Variants in LSM14A observed in about 807,000 individuals in gnomAD.
LSM14A encodes the protein protein LSM14 homolog A.
LSM14A carries 14 observed loss-of-function variants against 52.4 expected under a neutral mutation model. The ratio of observed to expected loss-of-function variants is 0.27; its 90% CI spans 0.18 to 0.42. The LOEUF is 0.42. Among genes scored for constraint, LSM14A ranks in the 10% least tolerant of loss-of-function variants. The pLI is 1.00. For missense variants in LSM14A, 417 were observed against 581.8 expected, an observed-to-expected ratio of 0.72 and a Z score of 2.91; for synonymous variants, 185 against 200.3, an observed-to-expected ratio of 0.92 and a Z score of 0.64.
intron 4 of LSM14A, among the ~76,000 whole-genome samples, chr19:34,209,909 C>A (rs1332087345): frequency 6.6e-6 from 1 of 150,770 alleles, no homozygotes; most frequent in Non-Finnish European, 1.5e-5. Flanking sequence ...TGGCTATTTA[C>A]AGATGTGATC....
Position 34,172,775 on chromosome 19 carries a change from C to T in LSM14A, c.121+12C>T, listed in dbSNP as rs201033618. Reference sequence around the variant, plus strand: ...AGCCCTTGCCAAAGGTACGCGGGACCGGGCCTCAGGGTGGGGGCCGAGCCG... The same window carrying T: ...AGCCCTTGCCAAAGGTACGCGGGACTGGGCCTCAGGGTGGGGGCCGAGCCG... On this transcript the variant is annotated intron_variant, in intron 1 of 9. Coordinates refer to ENST00000544216, the MANE Select transcript of LSM14A (RefSeq NM_015578.4). 1.6e-5 allele frequency: 25 copies of T among 1,565,438 alleles called. No homozygotes were observed. The highest frequency in any genetic ancestry group is 3.5e-5 in the South Asian group (3 of 85,930).
At position 34,221,622 on chromosome 19, in the gene LSM14A, C is replaced by T. The variant is rs1568502188; in HGVS notation, c.1252C>T (p.Arg418Cys). ...CAGAGGCAGAGGAGGTCTTGGTTTC[C>T]GTGGTGGCAGAGGGCGTGGTGGTGG... Reference protein sequence around the residue: ...GYRGRGGLGFRGGRGRGGGRG... With the variant: ...GYRGRGGLGFCGGRGRGGGRG... The change falls in exon 9 of 10, where the codon CGT becomes TGT. Residue 418 changes from arginine (R) to cysteine (C), a missense_variant. Arg to Cys is a radical substitution (Grantham distance 180). Transcript: ENST00000544216. The T allele has an allele frequency of 5.0e-6, 8 of 1,613,892 alleles. No homozygotes were observed. The highest frequency in any genetic ancestry group is 6.8e-6 in the Non-Finnish European group (8 of 1,180,020).
intron 4 of LSM14A, among the ~76,000 whole-genome samples, chr19:34,209,938 G>A (rs1568492180): frequency 6.6e-6 from 1 of 151,698 alleles, no homozygotes; most frequent in African/African-American, 2.4e-5. Context: ...CTGCAGCCTT[G>A]GACACCTGGC....
At chr19:34,175,878 GAC>G (rs1221660214) in intron 1 of LSM14A, among the ~76,000 whole-genome samples, 1 of 151,858 alleles carries the variant, frequency 6.6e-6, no homozygotes, top group Non-Finnish European at 1.5e-5. Context: ...GTTGTTTTGA[GAC>G]AGAGTCTTGC....
rs2073326729 is a variant in LSM14A at position 34,226,173 on chromosome 19, G to A, written c.1369-1192G>A. On this transcript the variant is annotated intron_variant, in intron 9 of 9. Transcript: ENST00000544216. ...GAGGTGAGAATGGAAATCAGGACTA[G>A]CAATAATAATGTAACCAGCTCCTGT... Among the ~76,000 whole-genome samples the A allele has an allele frequency of 1.3e-5, 2 of 152,094 alleles. 1 individual carries two copies. Among genetic ancestry groups the A allele is most frequent in the South Asian group, 4.1e-4 (2 of 4,824 alleles).
At chr19:34,219,978 T>C in intron 8 of LSM14A, 101 bp downstream of exon 8, 1 of 855,384 alleles carries the variant, frequency 1.2e-6, no homozygotes, top group South Asian at 1.7e-5. Flanking sequence ...CATAATTGTT[T>C]TGTTTTGTTT....
intron 4 of LSM14A, among the ~76,000 whole-genome samples, chr19:34,210,221 A>G (rs766394989): frequency 6.6e-6 from 1 of 152,060 alleles, no homozygotes; most frequent in Non-Finnish European, 1.5e-5. Flanking sequence ...CACTTAAGAT[A>G]TTTTGAAATA....
At chr19:34,220,884 G>A (rs2073013021) in intron 8 of LSM14A, among the ~76,000 whole-genome samples, 2 of 151,902 alleles carry the variant, frequency 1.3e-5, no homozygotes, top group African/African-American at 2.4e-5. Context: ...TTTCCCTTGG[G>A]GCTGAGTGGA....
chr19:34,218,294 G>T (rs11671915), intron 6 of LSM14A, among the ~76,000 whole-genome samples: 11,335 of 152,146 alleles, frequency 0.075, 555 homozygotes, highest in Middle Eastern at 0.15. Flanking sequence ...GTGAGCCACC[G>T]CGCCTGGCCC....
intron 3 of LSM14A, among the ~76,000 whole-genome samples, chr19:34,200,158 T>G (rs2071188909): frequency 6.6e-6 from 1 of 152,224 alleles, no homozygotes; most frequent in African/African-American, 2.4e-5. Context: ...GAAGGTGGGT[T>G]GTTTTGCGAG....
chr19:34,199,117 A>ATTATTTAT (rs569671773), intron 3 of LSM14A, among the ~76,000 whole-genome samples: 31 of 152,072 alleles, frequency 2.0e-4, no homozygotes, highest in Non-Finnish European at 3.5e-4. Flanking sequence ...TATTGGTGTT[A>ATTATTTAT]TTATTTATTT....
chr19:34,227,404 CT>C lies in LSM14A; in HGVS notation c.*17del. On this transcript the variant is annotated 3_prime_UTR_variant, in exon 10 of 10. Transcript: ENST00000544216. ...TGCTGCATAGTCTACAAACAAGTCT[CT>C]GAAAATAGGTGAATTTCTAGCTCTT... The C allele has an allele frequency of 6.3e-7, 1 of 1,582,250 alleles. No individual in the cohort carries two copies. The highest frequency in any genetic ancestry group is 8.6e-7 in the Non-Finnish European group (1 of 1,166,850).
intron 3 of LSM14A, among the ~76,000 whole-genome samples, chr19:34,197,909 T>A (rs1417568606): frequency 6.6e-6 from 1 of 152,160 alleles, no homozygotes; most frequent in East Asian, 1.9e-4. Flanking sequence ...TGCTTATGAC[T>A]GGAGGGTCAA....
chr19:34,174,248 CT>C (rs1034833964), intron 1 of LSM14A, among the ~76,000 whole-genome samples: 30 of 152,330 alleles, frequency 2.0e-4, no homozygotes, highest in Admixed American at 1.6e-3. Context: ...CGCGCCCAGC[CT>C]CTGGTAAATC....
chr19:34,224,737 C>G (rs1479848829), intron 9 of LSM14A, among the ~76,000 whole-genome samples: 2 of 152,232 alleles, frequency 1.3e-5, no homozygotes, highest in Non-Finnish European at 2.9e-5. Context: ...ATGGTTATCT[C>G]ACATACACAT....
chr19:34,193,702 G>T (rs1461045522), intron 1 of LSM14A, among the ~76,000 whole-genome samples: 1 of 152,080 alleles, frequency 6.6e-6, no homozygotes, highest in Non-Finnish European at 1.5e-5. Flanking sequence ...GCTTCTAGAG[G>T]ACTTACTGCT....
rs2070943393 is a variant in LSM14A at position 34,197,490 on chromosome 19, G to A, written c.415+727G>A. 1.6e-5 allele frequency among the ~76,000 whole-genome samples: 2 copies of A among 123,618 alleles called. 1 individual carries two copies. Among genetic ancestry groups the A allele is most frequent in the South Asian group, 5.5e-4 (2 of 3,634 alleles). 81.1% of individuals were successfully genotyped at this position (123,618 alleles called of 152,430 possible). The stretch of plus-strand genomic sequence containing the variant: ...GTCTTGCTCTGTTGCCCAGGCTAGA[G>A]TGCAGTGGCATGATCTCCGCTCACT... On this transcript the variant is annotated intron_variant, in intron 3 of 9. Transcript: ENST00000544216.
intron 1 of LSM14A, among the ~76,000 whole-genome samples, chr19:34,185,975 A>T (rs1415874822): frequency 6.6e-6 from 1 of 152,200 alleles, no homozygotes; most frequent in African/African-American, 2.4e-5. Flanking sequence ...ATTTTATCCT[A>T]AGTGAGTTTC....
chr19:34,184,096 C>T (rs2145546443), intron 1 of LSM14A, among the ~76,000 whole-genome samples: 1 of 147,104 alleles, frequency 6.8e-6, no homozygotes, highest in Middle Eastern at 3.6e-3. Context: ...ACAGTTGTCA[C>T]CCAGGCTGGA....
Sources: gnomAD v4.1 joint callset for allele counts (sites outside exome capture counted in the v4.1 genomes callset) on GRCh38, gnomAD v4.1.1 for gene constraint, MANE v1.5 for transcripts, NCBI Gene and HGNC (gene_info 2026-07-23, HGNC 2026-07-21) for gene names.